The following THOP1 variants were observed in gnomAD, a reference collection of about 807,000 sequenced individuals.
The protein encoded by THOP1 is thimet oligopeptidase 1.
In THOP1, 49 loss-of-function variants were observed where a neutral mutation model predicts 71.8. The ratio of observed to expected loss-of-function variants is 0.68; its 90% CI spans 0.54 to 0.87. The LOEUF (loss-of-function observed/expected upper bound fraction) is 0.87, where lower values mean the gene tolerates loss of function less well. Among genes scored for constraint, THOP1 ranks in the 40% least tolerant of loss-of-function variants. The pLI is 0.00. For synonymous variants in THOP1, 426 were observed against 421.5 expected, an observed-to-expected ratio of 1.01 and a Z score of -0.13; for missense variants, 843 against 975.6, an observed-to-expected ratio of 0.86 and a Z score of 1.81.
chr19:2,790,539 G>C lies in THOP1; in HGVS notation c.135G>C (p.Lys45Asn), dbSNP rs1915850903. 6.2e-7 allele frequency: 1 copy of C among 1,608,346 alleles called. No homozygotes were observed. The highest frequency in any genetic ancestry group is 8.5e-7 in the Non-Finnish European group (1 of 1,177,648). ...CCAGGGAGCTCATCGAGCAGACCAA[G>C]CGCGTGTATGACCAGGTTGGCACCC... ...ERTRELIEQT[K>N]RVYDQVGTQE... Residue 45 changes from lysine (K) to asparagine (N), a missense_variant, in exon 2 of 13, where the codon AAG becomes AAC. Physicochemically the swap from Lys to Asn is moderately conservative, Grantham distance 94 (BLOSUM62 0). Transcript: ENST00000307741.
In THOP1 at chr19:2,811,598, G is replaced by A. The variant is rs1394563949; in HGVS notation, c.1772G>A (p.Gly591Glu). ...QEILGVPATPGTNMPATFGHL... is the reference protein window; with the variant it reads ...QEILGVPATPETNMPATFGHL... ...GAACCCTGCCATGTGTCCGCCCCAG[G>A]AACCAACATGCCTGCAACCTTCGGC... The change falls in exon 12 of 13, where the codon GGA (glycine) becomes GAA (glutamate). Residue 591 changes from glycine (G) to glutamate (E), a missense_variant and splice_region_variant. By Grantham distance (98) the Gly-to-Glu change is moderately conservative. Coordinates refer to ENST00000307741, the MANE Select transcript of THOP1 (RefSeq NM_003249.5). 11 of 1,612,454 alleles carry A rather than the reference G, an allele frequency of 6.8e-6. No individual in the cohort carries two copies. In the Admixed American group the frequency reaches 8.3e-5, roughly 12 times the overall value.
chr19:2,808,886 T>A (rs1916382961), intron 9 of THOP1, among the ~76,000 whole-genome samples: 1 of 152,128 alleles, frequency 6.6e-6, no homozygotes, highest in African/African-American at 2.4e-5. Context: ...TCCTTAGACA[T>A]CCTGTCTCTA....
chr19:2,790,646 C>T lies in THOP1; in HGVS notation c.229+13C>T. 1 of 1,530,098 alleles carries T rather than the reference C, an allele frequency of 6.5e-7. No individual in the cohort carries two copies. Among genetic ancestry groups the T allele is most frequent in the Non-Finnish European group, 8.8e-7 (1 of 1,138,616 alleles). 94.8% of individuals were successfully genotyped at this position (1,530,098 alleles called of 1,614,324 possible). A position where few individuals can be genotyped will look rare whatever the true frequency, so the allele number is the denominator to read the frequency against. On this transcript the variant is annotated intron_variant, in intron 2 of 12. Coordinates refer to ENST00000307741, the MANE Select transcript of THOP1 (RefSeq NM_003249.5). ...GTCACCTACACAGGTAAGTCCCAGG[C>T]AGGGTCTGTGCGTGGGCCGCAGGTG... is the stretch of plus-strand genomic sequence containing the variant.
chr19:2,807,529 G>C lies in THOP1; in HGVS notation c.974G>C (p.Gly325Ala). The change falls in exon 8 of 13, where the codon GGC becomes GCC. Residue 325 changes from glycine to alanine, a missense_variant. Physicochemically the swap from Gly to Ala is moderately conservative, Grantham distance 60. Coordinates refer to ENST00000307741, the MANE Select transcript of THOP1 (RefSeq NM_003249.5). ...AAGCGTGCGGAGTGCGAGCGCCGGG[G>C]CCTGCCCTTCGACGGCCGCATCCGT... Reference protein sequence around the residue: ...ELKRAECERRGLPFDGRIRAW... With the variant: ...ELKRAECERRALPFDGRIRAW... 3 of 1,612,314 alleles carry C rather than the reference G, an allele frequency of 1.9e-6. No homozygotes were observed. The highest frequency in any genetic ancestry group is 2.5e-6 in the Non-Finnish European group (3 of 1,179,852).
intron 1 of THOP1, among the ~76,000 whole-genome samples, chr19:2,788,660 G>A (rs1222297226): frequency 1.3e-5 from 2 of 152,174 alleles, no homozygotes; most frequent in Non-Finnish European, 2.9e-5. Context: ...TGTATTTTTA[G>A]TAGAGACGGG....
chr19:2,810,896 C>G, intron 11 of THOP1, 128 bp downstream of exon 11: 1 of 1,394,580 alleles, frequency 7.2e-7, no homozygotes, highest in Non-Finnish European at 9.5e-7. Context: ...AGCCACGGAG[C>G]GCGTCCCAGG....
chr19:2,809,287 C>G (rs1916394522), intron 9 of THOP1, among the ~76,000 whole-genome samples: 1 of 151,980 alleles, frequency 6.6e-6, no homozygotes, highest in Non-Finnish European at 1.5e-5. Context: ...CTTGCACACA[C>G]AGGGTGTCCC....
intron 5 of THOP1, among the ~76,000 whole-genome samples, chr19:2,802,459 C>CCACCTCCCGACACCAA (rs1422963095): frequency 1.4e-5 from 2 of 141,678 alleles, no homozygotes; most frequent in East Asian, 4.2e-4. Context: ...CCCGACACCC[C>CCACCTCCCGACACCAA]CACCTCCCGA....
At chr19:2,791,864 A>G (rs1915890644) in intron 2 of THOP1, among the ~76,000 whole-genome samples, 1 of 152,148 alleles carries the variant, frequency 6.6e-6, no homozygotes, top group Non-Finnish European at 1.5e-5. Context: ...GGTGACGCCC[A>G]GCATCCTCGG....
intron 5 of THOP1, among the ~76,000 whole-genome samples, chr19:2,803,669 G>T (rs1916213793): frequency 1.3e-5 from 2 of 152,202 alleles, no homozygotes; most frequent in African/African-American, 4.8e-5. Context: ...AGGACGATGT[G>T]CAGGTCCCGG....
intron 2 of THOP1, among the ~76,000 whole-genome samples, chr19:2,794,258 G>A (rs757056463): frequency 5.3e-5 from 8 of 152,022 alleles, no homozygotes; most frequent in Non-Finnish European, 1.2e-4. Flanking sequence ...CAAGTGATCT[G>A]CCTGCCTCGG....
chr19:2,799,716 A>C lies in THOP1; in HGVS notation c.514A>C (p.Ser172Arg). Residue 172 changes from serine to arginine, a missense_variant, in exon 5 of 13, where the codon AGC (serine) becomes CGC (arginine). Physicochemically the swap from Ser to Arg is moderately radical, Grantham distance 110. Transcript: ENST00000307741. The part of the protein sequence containing the change: ...ENIKRIKKKL[S>R]LLCIDFNKNL... ...CATCAAACGCATCAAGAAGAAGCTGAGCCTTCTGTGCATCGACTTCAACAA... is the reference window on the plus strand; with the variant it reads ...CATCAAACGCATCAAGAAGAAGCTGCGCCTTCTGTGCATCGACTTCAACAA... 2 of 1,613,712 alleles carry C rather than the reference A, an allele frequency of 1.2e-6. No individual in the cohort carries two copies. Among genetic ancestry groups the C allele is most frequent in the Non-Finnish European group, 1.7e-6 (2 of 1,179,814 alleles).
intron 1 of THOP1, among the ~76,000 whole-genome samples, chr19:2,786,669 C>G (rs1164116415): frequency 6.6e-6 from 1 of 151,996 alleles, no homozygotes; most frequent in Non-Finnish European, 1.5e-5. Flanking sequence ...TCTGCTCACA[C>G]AGGCTCACCG....
Position 2,808,456 on chromosome 19 carries a change from C to T in THOP1, c.1455+12C>T, listed in dbSNP as rs1258456993. The T allele has an allele frequency of 6.3e-7, 1 of 1,587,432 alleles. No individual in the cohort carries two copies. Among genetic ancestry groups the T allele is most frequent in the East Asian group, 2.3e-5 (1 of 43,868 alleles). ...AGCTCTGCTCCCAGGTGGGTGCGGGCCCGGGCAGGGGCAGGGGCAGGGGCA... is the reference window on the plus strand; with the variant it reads ...AGCTCTGCTCCCAGGTGGGTGCGGGTCCGGGCAGGGGCAGGGGCAGGGGCA... On this transcript the variant is annotated intron_variant, in intron 9 of 12. Transcript: ENST00000307741.
intron 2 of THOP1, among the ~76,000 whole-genome samples, chr19:2,792,221 C>T (rs556063768): frequency 1.3e-5 from 2 of 152,354 alleles, no homozygotes; most frequent in Admixed American, 1.3e-4. Context: ...GCCCCCACTA[C>T]AGGCTTTTTT....
intron 12 of THOP1, chr19:2,812,143 A>G (rs1175407865): frequency 4.8e-6 from 7 of 1,459,114 alleles, no homozygotes; most frequent in Non-Finnish European, 6.3e-6. Context: ...GCTGAGACAG[A>G]CCCTTCTCTG....
chr19:2,790,286 TCCCTACAAGAGC>T, intron 1 of THOP1, 123 bp from the exon 2 acceptor site: 1 of 789,784 alleles, frequency 1.3e-6, no homozygotes, highest in South Asian at 2.1e-5. Context: ...AGTCTGTGCT[TCCCTACAAGAGC>T]CCTGGACCTC....
At position 2,804,106 on chromosome 19, in the gene THOP1, T is replaced by C. The variant is rs1599528041; in HGVS notation, c.590-910T>C. ...GTGAGCTCCCGATCATTCTTTCCAC[T>C]CTGACCGCCCTGGGGTTGAGGTGAA... On this transcript the variant is annotated intron_variant, in intron 5 of 12. Coordinates refer to ENST00000307741, the MANE Select transcript of THOP1 (RefSeq NM_003249.5). The surrounding 1 kb of genome is among the most constrained non-coding windows in gnomAD (Gnocchi z 4.7). 6.6e-6 allele frequency among the ~76,000 whole-genome samples: 1 copy of C among 151,140 alleles called. No homozygotes were observed.
chr19:2,811,978 T>A (rs1916487764), intron 12 of THOP1: 1 of 1,080,080 alleles, frequency 9.3e-7, no homozygotes, highest in Non-Finnish European at 1.3e-6. Context: ...CCGAGGCACC[T>A]GCTGGTCTTG....
Sources: allele counts gnomAD v4.1 joint callset (sites outside exome capture counted in the v4.1 genomes callset), GRCh38; gene constraint gnomAD v4.1.1; non-coding constraint Gnocchi (gnomAD v3.1); transcripts MANE v1.5; gene names NCBI Gene and HGNC (gene_info 2026-07-23, HGNC 2026-07-21).